The following ARL8B variants were observed in gnomAD, a reference collection of about 807,000 sequenced individuals.
The protein encoded by ARL8B is ARF like GTPase 8B.
A neutral mutation model predicts 30.6 loss-of-function variants in ARL8B; 9 were observed. That is an observed-to-expected ratio of 0.29 (90% CI 0.18 to 0.51). The LOEUF is 0.51. Among genes scored for constraint, ARL8B ranks in the 20% least tolerant of loss-of-function variants. The probability of loss-of-function intolerance (pLI) is 0.97; values close to 1 mark genes in which losing one functional copy is unlikely to be tolerated. For missense variants in ARL8B, 130 were observed against 227.2 expected, an observed-to-expected ratio of 0.57 and a Z score of 2.75; for synonymous variants, 74 against 76.0, an observed-to-expected ratio of 0.97 and a Z score of 0.14.
chr3:5,122,413 T>C lies in ARL8B; in HGVS notation c.-53T>C. On this transcript the variant is annotated 5_prime_UTR_variant, in exon 1 of 7. Coordinates refer to ENST00000256496, the MANE Select transcript of ARL8B (RefSeq NM_018184.3). ...CGGAGGCCCGCTCGTGTGGAAGTCG[T>C]CGACGCCGCCGCTCGTCCGTCCTCC... 6.2e-7 allele frequency: 1 copy of C among 1,607,996 alleles called. No individual in the cohort carries two copies. The highest frequency in any genetic ancestry group is 1.1e-5 in the South Asian group (1 of 90,624).
intron 1 of ARL8B, among the ~76,000 whole-genome samples, chr3:5,148,427 C>T (rs1239117685): frequency 1.3e-5 from 2 of 152,156 alleles, no homozygotes; most frequent in South Asian, 2.1e-4. Context: ...TTTAAAGGAG[C>T]AGTTGGTTTG....
chr3:5,140,097 G>T (rs2054359486), intron 1 of ARL8B, among the ~76,000 whole-genome samples: 1 of 141,628 alleles, frequency 7.1e-6, no homozygotes, highest in Non-Finnish European at 1.5e-5. Context: ...ATTAGTTTTT[G>T]TTCCTCACTT....
chr3:5,176,156 A>AT (rs1387182822), intron 6 of ARL8B, among the ~76,000 whole-genome samples: 2 of 152,086 alleles, frequency 1.3e-5, no homozygotes, highest in Non-Finnish European at 2.9e-5. Flanking sequence ...TTATGCTGAT[A>AT]TTTTTTCTTT....
chr3:5,154,406 C>G (rs553477649), intron 1 of ARL8B, among the ~76,000 whole-genome samples: 1 of 151,132 alleles, frequency 6.6e-6, no homozygotes, highest in East Asian at 1.9e-4. Context: ...ACGATCTTGG[C>G]TCAGTGCAAC....
chr3:5,147,819 C>T (rs897136336), intron 1 of ARL8B, among the ~76,000 whole-genome samples: 4 of 151,512 alleles, frequency 2.6e-5, no homozygotes, highest in Admixed American at 6.6e-5. Context: ...CTGGGTCCTC[C>T]GGATCTAATT....
intron 1 of ARL8B, among the ~76,000 whole-genome samples, chr3:5,166,041 T>C (rs1450680777): frequency 6.6e-6 from 1 of 151,224 alleles, no homozygotes. Flanking sequence ...TCTTAAGATA[T>C]CTTTTTTTTT....
intron 1 of ARL8B, among the ~76,000 whole-genome samples, chr3:5,149,234 T>G (rs935878875): frequency 6.6e-6 from 1 of 152,248 alleles, no homozygotes; most frequent in Non-Finnish European, 1.5e-5. Context: ...CTTTTCTCCC[T>G]GTGTTGTCTC....
At chr3:5,169,018 ACTAC>A (rs539057873) in intron 1 of ARL8B, among the ~76,000 whole-genome samples, 6 of 152,342 alleles carry the variant, frequency 3.9e-5, no homozygotes, top group African/African-American at 1.4e-4. Flanking sequence ...TTGGGACTCT[ACTAC>A]CTGTTCTATG....
intron 1 of ARL8B, among the ~76,000 whole-genome samples, chr3:5,149,269 G>A (rs2054457205): frequency 1.3e-5 from 2 of 152,216 alleles, no homozygotes; most frequent in South Asian, 4.1e-4. Flanking sequence ...TAACAGTCTT[G>A]GGTTTGTCTA....
In ARL8B at chr3:5,133,961, C is replaced by T. The variant is rs146413672; in HGVS notation, c.123+11373C>T. 2.4e-3 allele frequency among the ~76,000 whole-genome samples: 362 copies of T among 151,800 alleles called. 7 individuals are homozygous for T. Among genetic ancestry groups the T allele is most frequent in the East Asian group, 0.02 (102 of 5,158 alleles). ...CCTGCACTGCACAGCACACCCCACA[C>T]CCCTGGAAAAAAAAGTGTTACATAA... On this transcript the variant is annotated intron_variant, in intron 1 of 6. Transcript: ENST00000256496.
intron 1 of ARL8B, chr3:5,128,523 A>C: frequency 2.3e-6 from 1 of 439,752 alleles, no homozygotes; most frequent in Non-Finnish European, 4.5e-6. Context: ...AATGCATTCT[A>C]AATGCCTGTC....
intron 1 of ARL8B, among the ~76,000 whole-genome samples, chr3:5,152,143 A>G (rs1484640928): frequency 6.6e-6 from 1 of 152,190 alleles, no homozygotes; most frequent in Non-Finnish European, 1.5e-5. Flanking sequence ...GGTAAGTTCT[A>G]CATCCTTGCT....
chr3:5,158,061 C>T lies in ARL8B; in HGVS notation c.124-12442C>T, dbSNP rs150816630. On this transcript the variant is annotated intron_variant, in intron 1 of 6. Transcript: ENST00000256496. ...AGCGATCTCAGCTCACTGCAGCCTCCGCCTCCTGGGTTCAAATGATTGTCC... is the reference window on the plus strand; with the variant it reads ...AGCGATCTCAGCTCACTGCAGCCTCTGCCTCCTGGGTTCAAATGATTGTCC... Among the ~76,000 whole-genome samples the T allele has an allele frequency of 4.4e-3, 674 of 152,088 alleles. 1 individual carries two copies. The highest frequency in any genetic ancestry group is 7.0e-3 in the Non-Finnish European group (478 of 67,998).
chr3:5,152,563 C>T (rs565877500), intron 1 of ARL8B, among the ~76,000 whole-genome samples: 1 of 152,328 alleles, frequency 6.6e-6, no homozygotes, highest in Admixed American at 6.5e-5. Context: ...AGGCTCACTG[C>T]CACCTCCAAC....
chr3:5,165,273 T>C (rs1246216152), intron 1 of ARL8B, among the ~76,000 whole-genome samples: 1 of 152,232 alleles, frequency 6.6e-6, no homozygotes, highest in East Asian at 1.9e-4. Flanking sequence ...TTGTTTGTAA[T>C]TCTTTTTCTT....
intron 6 of ARL8B, among the ~76,000 whole-genome samples, chr3:5,175,464 C>T (rs2054721403): frequency 6.6e-6 from 1 of 152,184 alleles, no homozygotes; most frequent in Admixed American, 6.5e-5. Context: ...AATTAGTCTA[C>T]AGGCACTACA....
At chr3:5,127,931 T>A (rs1377751180) in intron 1 of ARL8B, among the ~76,000 whole-genome samples, 1 of 142,552 alleles carries the variant, frequency 7.0e-6, no homozygotes, top group Non-Finnish European at 1.5e-5. Flanking sequence ...GGCTTACGCC[T>A]GTAATCCCAG....
chr3:5,130,707 T>A (rs1226371994), intron 1 of ARL8B, among the ~76,000 whole-genome samples: 1 of 151,958 alleles, frequency 6.6e-6, no homozygotes, highest in Non-Finnish European at 1.5e-5. Flanking sequence ...GGCTATTTTT[T>A]GTATTTTTAG....
intron 1 of ARL8B, chr3:5,157,963 C>T (rs933684180): frequency 6.6e-6 from 1 of 151,974 alleles, no homozygotes; most frequent in Non-Finnish European, 1.5e-5. Context: ...TTTCAGAGTC[C>T]TCAGATAGGT....
Sources: allele counts gnomAD v4.1 joint callset (sites outside exome capture counted in the v4.1 genomes callset), GRCh38; gene constraint gnomAD v4.1.1; transcripts MANE v1.5; gene names NCBI Gene and HGNC (gene_info 2026-07-23, HGNC 2026-07-21).